CDYL2: variants seen among roughly 807,000 people sequenced by gnomAD.
CDYL2 encodes chromodomain Y like 2.
Under a neutral mutation model 49.4 loss-of-function variants are expected in CDYL2, and 23 were observed. That is an observed-to-expected ratio of 0.47 (90% confidence interval 0.34 to 0.66). The LOEUF is 0.66. CDYL2 is among the 30% of genes least tolerant of loss of function. The pLI is 0.01. For missense variants in CDYL2, 678 were observed against 656.4 expected (o/e 1.03, Z -0.36); for synonymous variants, 360 against 268.8 (o/e 1.34, Z -3.32).
intron 2 of CDYL2, among the ~76,000 whole-genome samples, chr16:80,639,225 G>A (rs532550714): frequency 1.4e-4 from 22 of 152,302 alleles, no homozygotes; most frequent in African/African-American, 5.1e-4. Context: ...GATGCCGAGT[G>A]ACAGGAATGC....
intron 1 of CDYL2, among the ~76,000 whole-genome samples, chr16:80,746,082 C>G (rs1905919425): frequency 6.6e-6 from 1 of 152,164 alleles, no homozygotes. Context: ...GGAAGCAAAC[C>G]TCAGAAGACT....
intron 1 of CDYL2, among the ~76,000 whole-genome samples, chr16:80,707,696 T>C (rs1032939665): frequency 9.2e-5 from 14 of 152,150 alleles, no homozygotes; most frequent in African/African-American, 2.7e-4. Context: ...AATCCTTTCC[T>C]AGTTTTTAAC....
At chr16:80,660,766 AAG>A (rs1167978225) in intron 2 of CDYL2, among the ~76,000 whole-genome samples, 1 of 152,240 alleles carries the variant, frequency 6.6e-6, no homozygotes, top group Non-Finnish European at 1.5e-5. Flanking sequence ...CAACTCAGCA[AAG>A]AGGGGAAGAA....
intron 1 of CDYL2, among the ~76,000 whole-genome samples, chr16:80,744,938 G>A (rs1402491133): frequency 1.3e-5 from 2 of 152,170 alleles, no homozygotes; most frequent in African/African-American, 4.8e-5. Flanking sequence ...TCTCCCCTAG[G>A]CCTGGGATGC....
chr16:80,804,724 C>T (rs990754737), upstream of CDYL2, among the ~76,000 whole-genome samples: 1 of 149,414 alleles, frequency 6.7e-6, no homozygotes, highest in African/African-American at 2.4e-5. Flanking sequence ...CCCCGCCACC[C>T]CGGGCCGGCT....
At chr16:80,613,379 A>G (rs1185829474) in intron 4 of CDYL2, among the ~76,000 whole-genome samples, 1 of 152,144 alleles carries the variant, frequency 6.6e-6, no homozygotes, top group Non-Finnish European at 1.5e-5. Context: ...GTGATGCTGT[A>G]GAGGGACTTC....
intron 2 of CDYL2, 102 bp downstream of exon 2, chr16:80,684,436 C>T (rs539874749): frequency 1.7e-5 from 18 of 1,076,260 alleles, no homozygotes; most frequent in East Asian, 7.2e-5. Flanking sequence ...AGCTAAGAGA[C>T]GGGGATGGAG....
chr16:80,684,598 C>T lies in CDYL2; in HGVS notation c.556G>A (p.Gly186Arg), dbSNP rs1270354031. The T allele has an allele frequency of 8.7e-6, 14 of 1,614,178 alleles. No homozygotes were observed. The highest frequency in any genetic ancestry group is 1.2e-5 in the Non-Finnish European group (14 of 1,180,030). The part of the protein sequence containing the change: ...QPGLDLNDHV[G>R]EQDMGECDVN... ...TCACATTCACCCATATCTTGCTCTCCAACATGATCATTCAAATCCAAGCCA... is the reference window on the plus strand; with the variant it reads ...TCACATTCACCCATATCTTGCTCTCTAACATGATCATTCAAATCCAAGCCA... Residue 186 changes from glycine (G) to arginine (R), a missense_variant, in exon 2 of 7, where the codon GGA becomes AGA. By Grantham distance (125) the Gly-to-Arg change is moderately radical (BLOSUM62 -2). This residue lies in a region of CDYL2 where 478 missense variants were observed against 427.0 expected (regional missense o/e 1.12). Coordinates refer to ENST00000570137, the MANE Select transcript of CDYL2 (RefSeq NM_152342.4).
At chr16:80,611,154 G>C (rs1289104340) in intron 5 of CDYL2, among the ~76,000 whole-genome samples, 1 of 152,200 alleles carries the variant, frequency 6.6e-6, no homozygotes, top group East Asian at 1.9e-4. Context: ...CTCTGAACAA[G>C]GTGGGACCTC....
At chr16:80,790,500 A>C (rs1015454824) in intron 1 of CDYL2, among the ~76,000 whole-genome samples, 1 of 152,238 alleles carries the variant, frequency 6.6e-6, no homozygotes, top group Admixed American at 6.5e-5. Flanking sequence ...TATTAAATAC[A>C]AGATCTCACC....
chr16:80,687,124 G>A (rs926391994), intron 1 of CDYL2, among the ~76,000 whole-genome samples: 12 of 152,184 alleles, frequency 7.9e-5, no homozygotes, highest in African/African-American at 2.7e-4. Context: ...CTCTCTACAG[G>A]TTTACTGAGG....
At chr16:80,792,151 G>C (rs369625760) in intron 1 of CDYL2, among the ~76,000 whole-genome samples, 1 of 152,272 alleles carries the variant, frequency 6.6e-6, no homozygotes, top group Admixed American at 6.5e-5. Flanking sequence ...TTGATATTTT[G>C]AGTTTAAAGA....
At chr16:80,632,850 G>A in intron 3 of CDYL2, 169 bp downstream of exon 3, 1 of 618,554 alleles carries the variant, frequency 1.6e-6, no homozygotes, top group Non-Finnish European at 2.9e-6. Context: ...GATCAAATGG[G>A]ATAATGTATG....
At chr16:80,670,583 G>C (rs535374083) in intron 2 of CDYL2, among the ~76,000 whole-genome samples, 2 of 152,260 alleles carry the variant, frequency 1.3e-5, no homozygotes, top group East Asian at 3.9e-4. Flanking sequence ...GGCTGACATG[G>C]AGAAGGGAGC....
At chr16:80,669,830 G>T (rs113350971) in intron 2 of CDYL2, among the ~76,000 whole-genome samples, 4 of 152,332 alleles carry the variant, frequency 2.6e-5, no homozygotes, top group African/African-American at 9.6e-5. Flanking sequence ...CATGGGCTGT[G>T]GTGACACATG....
chr16:80,796,729 C>A (rs2142421631), intron 1 of CDYL2, among the ~76,000 whole-genome samples: 1 of 152,282 alleles, frequency 6.6e-6, no homozygotes. Context: ...CCACTTCACC[C>A]TGGATATCAC....
intron 1 of CDYL2, among the ~76,000 whole-genome samples, chr16:80,749,674 A>T (rs559037388): frequency 6.6e-6 from 1 of 152,298 alleles, no homozygotes; most frequent in Admixed American, 6.5e-5. Context: ...ACCAAAACTT[A>T]AGAATTCAGC....
chr16:80,650,820 C>T (rs1005182331), intron 2 of CDYL2, among the ~76,000 whole-genome samples: 12 of 152,066 alleles, frequency 7.9e-5, no homozygotes, highest in African/African-American at 1.7e-4. Context: ...TCTGCAACAA[C>T]ACAGATGGAA....
intron 1 of CDYL2, among the ~76,000 whole-genome samples, chr16:80,728,684 G>C (rs1319578780): frequency 3.9e-5 from 6 of 152,202 alleles, no homozygotes; most frequent in Admixed American, 6.5e-5. Flanking sequence ...AAAATGTTAA[G>C]GGCAGCCAGA....
Sources: allele counts gnomAD v4.1 joint callset (sites outside exome capture counted in the v4.1 genomes callset), GRCh38; gene constraint gnomAD v4.1.1; regional missense constraint gnomAD v4.1.1; transcripts MANE v1.5; gene names NCBI Gene and HGNC (gene_info 2026-07-23, HGNC 2026-07-21).